STRN3: variants seen among roughly 807,000 people sequenced by gnomAD.
The protein encoded by STRN3 is striatin 3.
In STRN3, 29 loss-of-function variants were observed where a neutral mutation model predicts 95.6. The observed-to-expected ratio is 0.30, with a 90% CI of 0.23 to 0.41. The LOEUF (loss-of-function observed/expected upper bound fraction) is 0.41. Among genes scored for constraint, STRN3 ranks in the 10% least tolerant of loss-of-function variants. The probability of loss-of-function intolerance (pLI) is 1.00; values close to 1 mark genes in which losing one functional copy is unlikely to be tolerated. For missense variants in STRN3, 890 were observed against 972.1 expected (o/e 0.92, Z 1.12); for synonymous variants, 331 against 357.6 (o/e 0.93, Z 0.84).
rs114702094 is a variant in STRN3, at chr14:30,996,075, C to T, written c.282+29829G>A. Among the ~76,000 whole-genome samples, 967 of 152,320 alleles carry T rather than the reference C, an allele frequency of 6.3e-3. 8 individuals carry two copies. Among genetic ancestry groups the T allele is most frequent in the African/African-American group, 0.022 (918 of 41,566 alleles). ...TTTTTGTTGTAGCCTGTTTATCCCT[C>T]AGTTTATTTTCCATTCCTTTCACAG... is the stretch of plus-strand genomic sequence containing the variant. On this transcript the variant is annotated intron_variant, in intron 1 of 17. Coordinates refer to ENST00000357479, the MANE Select transcript of STRN3 (RefSeq NM_001083893.2).
chr14:30,935,656 T>A (rs1484159264), intron 6 of STRN3, among the ~76,000 whole-genome samples: 1 of 152,232 alleles, frequency 6.6e-6, no homozygotes, highest in South Asian at 2.1e-4. Flanking sequence ...GGGAACTGCA[T>A]GATTCGTCCT....
chr14:30,949,803 T>C (rs1179305590), intron 4 of STRN3, among the ~76,000 whole-genome samples: 2 of 152,270 alleles, frequency 1.3e-5, no homozygotes, highest in Middle Eastern at 3.4e-3. Flanking sequence ...GAATGGGCTA[T>C]GTGGTAAAAG....
chr14:30,932,180 T>A (rs1878572646), intron 7 of STRN3: 1 of 152,224 alleles, frequency 6.6e-6, no homozygotes. Context: ...GGCAGGAGAA[T>A]CGCTTGAATC....
chr14:30,990,415 G>A (rs1270217471), intron 1 of STRN3, among the ~76,000 whole-genome samples: 2 of 151,922 alleles, frequency 1.3e-5, no homozygotes, highest in East Asian at 1.9e-4. Flanking sequence ...TGATCCGCCC[G>A]CCTCAGACTC....
chr14:30,895,926 T>C (rs566777319), intron 16 of STRN3, among the ~76,000 whole-genome samples, 178 bp from the exon 17 acceptor site: 32 of 152,340 alleles, frequency 2.1e-4, no homozygotes, highest in Admixed American at 1.8e-3. Context: ...CCTGTGTCTT[T>C]TAGAACATTC....
At chr14:30,903,386 T>C (rs1896376641) in intron 15 of STRN3, among the ~76,000 whole-genome samples, 1 of 152,112 alleles carries the variant, frequency 6.6e-6, no homozygotes, top group Non-Finnish European at 1.5e-5. Flanking sequence ...ATGTAAATAT[T>C]TTACATAATT....
intron 8 of STRN3, among the ~76,000 whole-genome samples, chr14:30,925,069 AGTT>A (rs1344575405): frequency 6.6e-6 from 1 of 152,184 alleles, no homozygotes; most frequent in Non-Finnish European, 1.5e-5. Flanking sequence ...AAGCCTCTTT[AGTT>A]TCTTAGTTTC....
chr14:30,912,500 CT>C (rs1447969299), intron 10 of STRN3, among the ~76,000 whole-genome samples: 1 of 152,096 alleles, frequency 6.6e-6, no homozygotes, highest in Admixed American at 6.5e-5. Context: ...TGCTGCAATA[CT>C]TTACATGAAA....
chr14:31,003,719 T>C (rs975417428), intron 1 of STRN3, among the ~76,000 whole-genome samples: 4 of 150,576 alleles, frequency 2.7e-5, no homozygotes, highest in African/African-American at 7.3e-5. Context: ...CTTTTTTCTT[T>C]GTAAGTCACC....
At chr14:30,979,267 A>C (rs1376514675) in intron 1 of STRN3, among the ~76,000 whole-genome samples, 2 of 152,158 alleles carry the variant, frequency 1.3e-5, no homozygotes, top group Non-Finnish European at 2.9e-5. Context: ...AGAAAATCTA[A>C]ATAAAAGGAA....
chr14:30,907,428 T>C (rs1448707357), intron 13 of STRN3, among the ~76,000 whole-genome samples: 2 of 152,164 alleles, frequency 1.3e-5, no homozygotes, highest in East Asian at 3.8e-4. Context: ...TTTAGGGTAC[T>C]TTCATCACTC....
At chr14:30,933,663 G>A (rs1443735472) in intron 7 of STRN3, among the ~76,000 whole-genome samples, 1 of 152,102 alleles carries the variant, frequency 6.6e-6, no homozygotes, top group African/African-American at 2.4e-5. Flanking sequence ...TTTTCAAATA[G>A]TAAGTACAAA....
Position 31,025,760 on chromosome 14 carries a change from G to C in STRN3, c.282+144C>G, listed in dbSNP as rs1197468701. 7 of 1,144,090 alleles carry C rather than the reference G, an allele frequency of 6.1e-6. No homozygotes were observed. The African/African-American group carries it at 1.1e-4, about 18-fold the overall frequency. The allele number at this position is 1,144,090 out of a possible 1,614,324, so 70.9% of individuals were successfully genotyped here. Reference sequence around the variant, plus strand: ...GGGGGACTCCAGGAAAAGCCGTTGAGAGGACCATCACAACCTGAGCAGCAC... The same window carrying C: ...GGGGGACTCCAGGAAAAGCCGTTGACAGGACCATCACAACCTGAGCAGCAC... On this transcript the variant is annotated intron_variant, in intron 1 of 17. Transcript: ENST00000357479.
At chr14:30,994,361 GGAGATA>G (rs1882104025) in intron 1 of STRN3, among the ~76,000 whole-genome samples, 1 of 152,082 alleles carries the variant, frequency 6.6e-6, no homozygotes. Context: ...TTAGAACTCT[GGAGATA>G]GAGACTATCA....
At chr14:30,923,961 A>T (rs141587826) in intron 8 of STRN3, among the ~76,000 whole-genome samples, 2 of 152,082 alleles carry the variant, frequency 1.3e-5, no homozygotes, top group Non-Finnish European at 2.9e-5. Flanking sequence ...GACCTTAAAA[A>T]GTTAGAAAAA....
At chr14:30,975,837 A>T (rs1188788519) in intron 1 of STRN3, among the ~76,000 whole-genome samples, 14 of 3,308 alleles carry the variant, frequency 4.2e-3, no homozygotes, top group African/African-American at 5.4e-3. Context: ...CTGGCTCTTT[A>T]AAAAAAAAAA....
rs1245243965 is a variant in STRN3 at position 31,026,314 on chromosome 14, T to A, written c.-129A>T. 21 of 1,017,834 alleles carry A rather than the reference T, an allele frequency of 2.1e-5. No individual in the cohort carries two copies. Among genetic ancestry groups the A allele is most frequent in the Non-Finnish European group, 2.7e-5 (21 of 765,688 alleles). 63.1% of individuals were successfully genotyped at this position (1,017,834 alleles called of 1,614,324 possible). On this transcript the variant is annotated 5_prime_UTR_variant, in exon 1 of 18. Transcript: ENST00000357479. ...AGAGGGGCGGGGAAGGGGTCGTTGC[T>A]GTGTGCCTGCCGTGGGTCAGAGCAG...
intron 1 of STRN3, among the ~76,000 whole-genome samples, chr14:30,970,762 T>C (rs61976795): frequency 0.035 from 5,353 of 152,328 alleles, 125 homozygotes; most frequent in East Asian, 0.081. Context: ...ACTTTGGCAA[T>C]TGAGACAAGA....
At chr14:30,914,827 A>G (rs1026914166) in intron 9 of STRN3, among the ~76,000 whole-genome samples, 11 of 152,220 alleles carry the variant, frequency 7.2e-5, no homozygotes, top group African/African-American at 2.7e-4. Flanking sequence ...TTTCTCAACT[A>G]TATCATGTGC....
Sources: allele counts gnomAD v4.1 joint callset (sites outside exome capture counted in the v4.1 genomes callset), GRCh38; gene constraint gnomAD v4.1.1; transcripts MANE v1.5; gene names NCBI Gene and HGNC (gene_info 2026-07-23, HGNC 2026-07-21).